RANBP17: variants seen among roughly 807,000 people sequenced by gnomAD.
RANBP17 encodes RAN binding protein 17, also known as ran-binding protein 17.
RANBP17 carries 158 observed loss-of-function variants against 141.2 expected under a neutral mutation model. The ratio of observed to expected loss-of-function variants is 1.12; its 90% CI spans 0.98 to 1.28. RANBP17 has a LOEUF of 1.28. Ranked by LOEUF, RANBP17 falls within the 50% of genes most tolerant of loss-of-function variation. RANBP17 has a pLI of 0.00. For synonymous variants in RANBP17, 430 were observed against 450.0 expected, an observed-to-expected ratio of 0.96 and a Z score of 0.56; for missense variants, 1,438 against 1,290.7, an observed-to-expected ratio of 1.11 and a Z score of -1.75.
At chr5:170,955,648 GTATATATATATATA>G (rs1159344330) in intron 13 of RANBP17, among the ~76,000 whole-genome samples, 5 of 21,768 alleles carry the variant, frequency 2.3e-4, no homozygotes, top group Admixed American at 6.4e-4. Flanking sequence ...TATGCTCAGT[GTATATATATATATA>G]TATATATATA....
chr5:171,204,300 A>C (rs748224086), intron 19 of RANBP17, among the ~76,000 whole-genome samples: 1 of 152,204 alleles, frequency 6.6e-6, no homozygotes, highest in Non-Finnish European at 1.5e-5. Context: ...TCTTAGGCAG[A>C]AAGAATGGAG....
At chr5:170,863,085 A>G (rs186066462) in intron 1 of RANBP17, among the ~76,000 whole-genome samples, 2 of 152,340 alleles carry the variant, frequency 1.3e-5, no homozygotes, top group African/African-American at 4.8e-5. Context: ...AGCTCTGAAC[A>G]AAACTATGGT....
chr5:170,925,899 A>C (rs540068621), intron 12 of RANBP17, among the ~76,000 whole-genome samples: 3 of 152,292 alleles, frequency 2.0e-5, no homozygotes, highest in Non-Finnish European at 4.4e-5. Context: ...AGTACCATGC[A>C]CTGTTACGTT....
chr5:170,916,544 A>G lies in RANBP17; in HGVS notation c.914A>G (p.Asn305Ser). ...NSPERAKYLG[N>S]LIKGVKRILE... The stretch of plus-strand genomic sequence containing the variant: ...CCTGAACGTGCCAAGTACCTTGGTA[A>G]TTTAATTAAGGGAGTAAAAAGGATA... Residue 305 changes from asparagine to serine, a missense_variant, in exon 9 of 28, where the codon AAT becomes AGT. Physicochemically the swap from Asn to Ser is conservative, Grantham distance 46 (BLOSUM62 1). Coordinates refer to ENST00000523189, the MANE Select transcript of RANBP17 (RefSeq NM_022897.5). 2 of 1,579,218 alleles carry G rather than the reference A, an allele frequency of 1.3e-6. No individual in the cohort carries two copies. The highest frequency in any genetic ancestry group is 1.7e-6 in the Non-Finnish European group (2 of 1,158,130).
At chr5:171,287,759 C>T (rs1768261733) in intron 25 of RANBP17, among the ~76,000 whole-genome samples, 1 of 152,052 alleles carries the variant, frequency 6.6e-6, no homozygotes, top group Admixed American at 6.6e-5. Flanking sequence ...TGGAGTCTCA[C>T]TCTGTCACGC....
chr5:170,952,074 A>G (rs969191318), intron 12 of RANBP17, among the ~76,000 whole-genome samples: 2 of 152,058 alleles, frequency 1.3e-5, no homozygotes, highest in Non-Finnish European at 2.9e-5. Context: ...AAGGCCCAAG[A>G]TACACGAGAA....
At chr5:171,124,595 G>A (rs567827382) in intron 14 of RANBP17, among the ~76,000 whole-genome samples, 1 of 152,120 alleles carries the variant, frequency 6.6e-6, no homozygotes, top group East Asian at 1.9e-4. Context: ...AGTCAAAAAT[G>A]TAAAGATAAT....
chr5:171,202,318 T>C (rs1312855141), intron 19 of RANBP17, among the ~76,000 whole-genome samples: 1 of 152,190 alleles, frequency 6.6e-6, no homozygotes, highest in African/African-American at 2.4e-5. Context: ...ATTATGTCCA[T>C]GGTAAAATAT....
chr5:170,869,566 C>G (rs1300289192), intron 1 of RANBP17, among the ~76,000 whole-genome samples: 1 of 152,216 alleles, frequency 6.6e-6, no homozygotes, highest in East Asian at 1.9e-4. Flanking sequence ...CCAGCTGCTT[C>G]TGATGGCTGC....
chr5:171,196,044 A>G (rs148662886), intron 18 of RANBP17, among the ~76,000 whole-genome samples: 6 of 152,344 alleles, frequency 3.9e-5, no homozygotes, highest in African/African-American at 1.4e-4. Context: ...TGATGGAAAT[A>G]GAACAATTTC....
intron 18 of RANBP17, among the ~76,000 whole-genome samples, chr5:171,193,459 A>G (rs778089595): frequency 2.3e-4 from 35 of 152,212 alleles, no homozygotes; most frequent in Admixed American, 5.9e-4. Flanking sequence ...GGTGGTTGGC[A>G]ATAAAGCTGA....
chr5:170,931,490 T>A (rs745581386), intron 12 of RANBP17, among the ~76,000 whole-genome samples: 3 of 152,226 alleles, frequency 2.0e-5, no homozygotes, highest in African/African-American at 7.2e-5. Flanking sequence ...CCCATGCCTA[T>A]GTCCTGAATG....
intron 14 of RANBP17, among the ~76,000 whole-genome samples, chr5:170,979,059 A>G (rs1777586343): frequency 1.3e-5 from 2 of 152,242 alleles, no homozygotes; most frequent in Non-Finnish European, 2.9e-5. Context: ...AAAAAGTCAT[A>G]CAAGGACACA....
chr5:171,243,999 A>T (rs1213629051), intron 24 of RANBP17, among the ~76,000 whole-genome samples: 1 of 152,118 alleles, frequency 6.6e-6, no homozygotes, highest in Non-Finnish European at 1.5e-5. Context: ...AATCACATGC[A>T]CCCAGATGCA....
intron 25 of RANBP17, among the ~76,000 whole-genome samples, chr5:171,280,470 G>T (rs780980312): frequency 6.6e-5 from 10 of 151,986 alleles, no homozygotes; most frequent in Admixed American, 1.3e-4. Context: ...GGTGGAGACG[G>T]GGTTTCACCA....
At chr5:171,262,228 C>T (rs560525337) in intron 24 of RANBP17, among the ~76,000 whole-genome samples, 24 of 152,168 alleles carry the variant, frequency 1.6e-4, no homozygotes, top group South Asian at 2.1e-4. Context: ...TTGTAGATGT[C>T]GAGTTACATA....
intron 5 of RANBP17, among the ~76,000 whole-genome samples, chr5:170,909,343 A>G (rs537251464): frequency 6.6e-6 from 1 of 151,946 alleles, no homozygotes; most frequent in East Asian, 1.9e-4. Flanking sequence ...GAGATTTCTC[A>G]TTTTACAGGT....
intron 13 of RANBP17, among the ~76,000 whole-genome samples, chr5:170,959,775 A>G (rs1473222693): frequency 6.6e-6 from 1 of 152,232 alleles, no homozygotes; most frequent in African/African-American, 2.4e-5. Context: ...TAAGGAAGAA[A>G]AAGTAAATTT....
Position 170,909,765 on chromosome 5 carries a change from G to C in RANBP17, c.594G>C (p.Glu198Asp). ...TGCTAGCATGCTCTCTTTTAAAAGA[G>C]GTAAGTTATTTGATAATTCAACTTC... ...VLVLACSLLK[E>D]VFAKPLNLQD... The change falls in exon 6 of 28, where the codon GAG (glutamate) becomes GAC (aspartate). Residue 198 changes from glutamate to aspartate, a missense_variant and splice_region_variant. Glu to Asp is a conservative substitution (Grantham distance 45). Coordinates refer to ENST00000523189, the MANE Select transcript of RANBP17 (RefSeq NM_022897.5). The C allele has an allele frequency of 7.0e-7, 1 of 1,429,262 alleles. No individual in the cohort carries two copies. The highest frequency in any genetic ancestry group is 9.8e-7 in the Non-Finnish European group (1 of 1,017,898). The allele number at this position is 1,429,262 out of a possible 1,614,324, so 88.5% of individuals were successfully genotyped here.
Sources: allele counts gnomAD v4.1 joint callset (sites outside exome capture counted in the v4.1 genomes callset), GRCh38; gene constraint gnomAD v4.1.1; transcripts MANE v1.5; gene names NCBI Gene and HGNC (gene_info 2026-07-23, HGNC 2026-07-21).